KLHL1: variants seen among roughly 807,000 people sequenced by gnomAD.
The protein encoded by KLHL1 is kelch like family member 1, also known as kelch-like protein 1.
A neutral mutation model predicts 77.7 loss-of-function variants in KLHL1; 47 were observed. The ratio of observed to expected loss-of-function variants is 0.60; its 90% CI spans 0.48 to 0.77. The LOEUF (loss-of-function observed/expected upper bound fraction) is 0.77, where lower values mean the gene tolerates loss of function less well. Among genes scored for constraint, KLHL1 ranks in the 30% least tolerant of loss-of-function variants. The pLI, the probability that KLHL1 is intolerant of heterozygous loss-of-function variation, is 0.00. For synonymous variants in KLHL1, 360 were observed against 325.2 expected, an observed-to-expected ratio of 1.11 and a Z score of -1.15; for missense variants, 925 against 910.8, an observed-to-expected ratio of 1.02 and a Z score of -0.20.
intron 3 of KLHL1, among the ~76,000 whole-genome samples, chr13:69,954,373 G>A (rs1883803575): frequency 6.6e-6 from 1 of 151,146 alleles, no homozygotes; most frequent in South Asian, 2.1e-4. Flanking sequence ...TACATAGCAG[G>A]TACCCTGAAC....
intron 7 of KLHL1, among the ~76,000 whole-genome samples, chr13:69,760,218 G>C (rs141006059): frequency 6.6e-6 from 1 of 152,112 alleles, no homozygotes; most frequent in Admixed American, 6.6e-5. Context: ...CCTAGACTCA[G>C]TATGGATAAC....
chr13:69,924,504 C>A (rs557866471), intron 4 of KLHL1, among the ~76,000 whole-genome samples: 1 of 152,242 alleles, frequency 6.6e-6, no homozygotes, highest in East Asian at 1.9e-4. Flanking sequence ...TTGGGACACC[C>A]TAGCTGCAGA....
chr13:69,882,349 C>T lies in KLHL1; in HGVS notation c.1161G>A (p.Met387Ile), dbSNP rs1374041474. ...HALMMWVKYD[M>I]QSRCNDLSML... ...TGCTCAGGTCATTGCATCTACTCTG[C>T]ATGTCATACTTGACCCACATCATCA... The change falls in exon 5 of 11, where the codon ATG becomes ATA. Residue 387 changes from methionine to isoleucine, a missense_variant. By Grantham distance (10) the Met-to-Ile change is conservative. Coordinates refer to ENST00000377844, the MANE Select transcript of KLHL1 (RefSeq NM_020866.3). 6.2e-7 allele frequency: 1 copy of T among 1,613,972 alleles called. No individual in the cohort carries two copies. The highest frequency in any genetic ancestry group is 1.1e-5 in the South Asian group (1 of 91,082).
intron 1 of KLHL1, among the ~76,000 whole-genome samples, chr13:70,013,674 C>T (rs1240673494): frequency 1.3e-5 from 2 of 151,996 alleles, no homozygotes; most frequent in African/African-American, 4.8e-5. Context: ...GTCATATTTG[C>T]ATTTTAAATA....
At chr13:69,744,228 T>G (rs1874107145) in intron 7 of KLHL1, among the ~76,000 whole-genome samples, 1 of 152,006 alleles carries the variant, frequency 6.6e-6, no homozygotes, top group African/African-American at 2.4e-5. Flanking sequence ...AATGGCCAGA[T>G]AGGTGAGAGA....
chr13:70,095,250 A>C (rs1403052137), intron 1 of KLHL1, among the ~76,000 whole-genome samples: 1 of 152,158 alleles, frequency 6.6e-6, no homozygotes, highest in African/African-American at 2.4e-5. Flanking sequence ...TCCAGAATAA[A>C]ATGTTTTACA....
chr13:69,943,440 G>A (rs1182883924), intron 3 of KLHL1, among the ~76,000 whole-genome samples: 2 of 151,930 alleles, frequency 1.3e-5, no homozygotes, highest in Non-Finnish European at 2.9e-5. Context: ...CAGATACACT[G>A]CAGAAAACAG....
chr13:70,091,799 C>T (rs150875874), intron 1 of KLHL1, among the ~76,000 whole-genome samples: 5 of 152,196 alleles, frequency 3.3e-5, no homozygotes, highest in East Asian at 3.9e-4. Context: ...CTGTAGGTGC[C>T]GCCTAAACTA....
At chr13:69,841,629 G>T (rs1879265003) in intron 5 of KLHL1, among the ~76,000 whole-genome samples, 1 of 151,732 alleles carries the variant, frequency 6.6e-6, no homozygotes, top group Non-Finnish European at 1.5e-5. Context: ...TGACCGCATT[G>T]CTCAAATCAT....
chr13:70,035,947 C>A (rs1017290896), intron 1 of KLHL1, among the ~76,000 whole-genome samples: 1 of 151,944 alleles, frequency 6.6e-6, no homozygotes, highest in African/African-American at 2.4e-5. Context: ...AATATCATTG[C>A]TTTAGCAATT....
At chr13:69,931,616 CT>C (rs1170365985) in intron 4 of KLHL1, among the ~76,000 whole-genome samples, 3 of 151,612 alleles carry the variant, frequency 2.0e-5, no homozygotes, top group African/African-American at 7.3e-5. Context: ...TTATTTCTTC[CT>C]TTAGTATGTG....
intron 6 of KLHL1, among the ~76,000 whole-genome samples, chr13:69,802,132 CTG>C (rs2138047727): frequency 6.6e-6 from 1 of 152,082 alleles, no homozygotes; most frequent in South Asian, 2.1e-4. Flanking sequence ...TTTCCTGTTC[CTG>C]TGTTAGTTTG....
chr13:69,723,619 A>G (rs1873164389), intron 8 of KLHL1, among the ~76,000 whole-genome samples: 1 of 152,242 alleles, frequency 6.6e-6, no homozygotes, highest in South Asian at 2.1e-4. Context: ...CATTCAGGCC[A>G]TGATAGAAGA....
chr13:69,953,772 A>G (rs1384990399), intron 3 of KLHL1, among the ~76,000 whole-genome samples: 2 of 151,338 alleles, frequency 1.3e-5, no homozygotes, highest in African/African-American at 4.8e-5. Context: ...AATTGGACTC[A>G]AAATTAATAA....
intron 7 of KLHL1, among the ~76,000 whole-genome samples, chr13:69,771,692 G>A (rs954013114): frequency 6.6e-6 from 1 of 152,006 alleles, no homozygotes; most frequent in Non-Finnish European, 1.5e-5. Context: ...AAGATATGTG[G>A]GTGCATAGTT....
At chr13:69,796,685 T>TA in intron 7 of KLHL1, 53 bp downstream of exon 7, 1 of 1,251,830 alleles carries the variant, frequency 8.0e-7, no homozygotes, top group African/African-American at 1.5e-5. Flanking sequence ...ATCATATAGT[T>TA]ACATTATCAA....
intron 1 of KLHL1, among the ~76,000 whole-genome samples, chr13:70,018,330 C>T (rs1885710610): frequency 1.3e-5 from 2 of 152,112 alleles, no homozygotes; most frequent in South Asian, 4.1e-4. Context: ...TATAAAGTGG[C>T]AAAGCTGAGA....
chr13:69,732,202 T>A (rs779035914), intron 8 of KLHL1, among the ~76,000 whole-genome samples: 12 of 152,152 alleles, frequency 7.9e-5, no homozygotes, highest in Non-Finnish European at 1.8e-4. Context: ...AGGAGACTTA[T>A]GGCAAAGAAA....
At chr13:69,871,534 G>A (rs762583558) in intron 5 of KLHL1, among the ~76,000 whole-genome samples, 68 of 152,052 alleles carry the variant, frequency 4.5e-4, no homozygotes, top group Admixed American at 2.1e-3. Context: ...TTTATGCTCT[G>A]TTTCCCTTTT....
Sources: allele counts gnomAD v4.1 joint callset (sites outside exome capture counted in the v4.1 genomes callset), GRCh38; gene constraint gnomAD v4.1.1; transcripts MANE v1.5; gene names NCBI Gene and HGNC (gene_info 2026-07-23, HGNC 2026-07-21).